RAD51B: variants seen among roughly 807,000 people sequenced by gnomAD.
RAD51B encodes the protein DNA repair protein RAD51 homolog 2.
A neutral mutation model predicts 42.2 loss-of-function variants in RAD51B; 38 were observed. The observed-to-expected ratio is 0.90, with a 90% CI of 0.70 to 1.18. The LOEUF is 1.18. Ranked by LOEUF, RAD51B falls within the 50% of genes most tolerant of loss-of-function variation. The pLI is 0.00. For synonymous variants in RAD51B, 154 were observed against 145.2 expected (o/e 1.06, Z -0.43); for missense variants, 373 against 400.7 (o/e 0.93, Z 0.59).
intron 8 of RAD51B, among the ~76,000 whole-genome samples, chr14:68,395,442 A>G (rs1258279500): frequency 1.3e-5 from 2 of 152,208 alleles, no homozygotes; most frequent in Non-Finnish European, 2.9e-5. Flanking sequence ...GAAAAAAGAA[A>G]ATACAGAATA....
At chr14:68,124,917 C>G (rs2077725584) in intron 7 of RAD51B, 1 of 151,248 alleles carries the variant, frequency 6.6e-6, no homozygotes, top group African/African-American at 2.4e-5. Flanking sequence ...CCATTGCACT[C>G]CAGCCTGGGT....
chr14:68,306,457 T>G lies in RAD51B; in HGVS notation c.853+14477T>G, dbSNP rs140663082. Among the ~76,000 whole-genome samples, 267 of 152,358 alleles carry G rather than the reference T, an allele frequency of 1.8e-3. 1 individual carries two copies. The highest frequency in any genetic ancestry group is 6.2e-3 in the African/African-American group (258 of 41,580). ...AAATCATTTTTTTTCTCCATGAGAA[T>G]GTGCAGGTCAGCTGAGACAAGCATG... On this transcript the variant is annotated intron_variant, in intron 8 of 10. Transcript: ENST00000471583.
chr14:68,546,718 G>T (rs1888254117), intron 10 of RAD51B, among the ~76,000 whole-genome samples: 1 of 152,156 alleles, frequency 6.6e-6, no homozygotes, highest in African/African-American at 2.4e-5. Context: ...CTGGGGGGAG[G>T]AGACAGGTGT....
intron 8 of RAD51B, among the ~76,000 whole-genome samples, chr14:68,348,345 G>T (rs984723654): frequency 6.6e-6 from 1 of 152,170 alleles, no homozygotes; most frequent in Non-Finnish European, 1.5e-5. Context: ...GTCTAAATCA[G>T]ATATTGCAAG....
chr14:68,379,905 C>G (rs202096214), intron 8 of RAD51B, among the ~76,000 whole-genome samples: 2 of 152,252 alleles, frequency 1.3e-5, no homozygotes, highest in East Asian at 3.8e-4. Flanking sequence ...TCACCCTCTT[C>G]CGCTGTTGGC....
intron 7 of RAD51B, among the ~76,000 whole-genome samples, chr14:68,072,569 C>T (rs923955809): frequency 5.3e-5 from 8 of 152,140 alleles, no homozygotes; most frequent in Non-Finnish European, 8.8e-5. Flanking sequence ...CCCTCTGACT[C>T]AGATGTTAAT....
At chr14:68,403,412 C>T (rs1446530903) in intron 8 of RAD51B, among the ~76,000 whole-genome samples, 1 of 151,960 alleles carries the variant, frequency 6.6e-6, no homozygotes, top group Non-Finnish European at 1.5e-5. Context: ...TCAGTTTGAT[C>T]TCCTAGAAAT....
In RAD51B at chr14:68,605,391, T is replaced by G. The variant is rs1038046002; in HGVS notation, c.1037-5615T>G. ...AGATGGAACAATGGTGAGAGTACAC[T>G]CGAACAAAGGAGGGAATCAATTTTT... On this transcript the variant is annotated intron_variant, in intron 10 of 10. Transcript: ENST00000487861. Among the ~76,000 whole-genome samples the G allele has an allele frequency of 5.3e-5, 8 of 152,352 alleles. No individual in the cohort carries two copies. The South Asian group carries it at 6.2e-4, about 12-fold the overall frequency.
intron 10 of RAD51B, among the ~76,000 whole-genome samples, chr14:68,579,538 CT>C (rs1162899847): frequency 1.3e-5 from 2 of 152,164 alleles, no homozygotes; most frequent in African/African-American, 4.8e-5. Context: ...ACAATGAATA[CT>C]TTTTTTAGTA....
intron 10 of RAD51B, among the ~76,000 whole-genome samples, chr14:68,575,919 C>T (rs941677927): frequency 3.3e-5 from 5 of 152,204 alleles, no homozygotes; most frequent in Admixed American, 6.5e-5. Flanking sequence ...AGTGAAGGCA[C>T]AACTTATAGA....
intron 7 of RAD51B, among the ~76,000 whole-genome samples, chr14:68,061,074 T>TTTC (rs1172738558): frequency 7.3e-6 from 1 of 136,220 alleles, no homozygotes; most frequent in Non-Finnish European, 1.7e-5. Flanking sequence ...TTTTTTTTTT[T>TTTC]TTCTTTTCTT....
chr14:68,571,287 G>C (rs1187008855), intron 10 of RAD51B, among the ~76,000 whole-genome samples: 1 of 152,192 alleles, frequency 6.6e-6, no homozygotes, highest in Non-Finnish European at 1.5e-5. Flanking sequence ...TACAAACTTA[G>C]TAGCTTCAAC....
chr14:68,210,678 C>A (rs2079687707), intron 7 of RAD51B, among the ~76,000 whole-genome samples: 3 of 152,122 alleles, frequency 2.0e-5, no homozygotes, highest in Admixed American at 2.0e-4. Context: ...GGACAACAAT[C>A]TCACAGAGTT....
chr14:68,368,423 A>G (rs1189821081), intron 8 of RAD51B, among the ~76,000 whole-genome samples: 1 of 152,128 alleles, frequency 6.6e-6, no homozygotes, highest in Non-Finnish European at 1.5e-5. Flanking sequence ...ATTCTCTTGT[A>G]TTTGTTTTAG....
At chr14:67,827,863 C>T (rs997499439) in intron 3 of RAD51B, among the ~76,000 whole-genome samples, 1 of 152,134 alleles carries the variant, frequency 6.6e-6, no homozygotes, top group Admixed American at 6.5e-5. Flanking sequence ...TGTATACGTA[C>T]CACATTTTCT....
chr14:68,071,501 G>A (rs541402735), intron 7 of RAD51B, among the ~76,000 whole-genome samples: 8 of 152,110 alleles, frequency 5.3e-5, no homozygotes, highest in South Asian at 2.1e-4. Flanking sequence ...CCTTTCTTGC[G>A]GCTATTGAGA....
intron 7 of RAD51B, among the ~76,000 whole-genome samples, chr14:68,074,827 A>C (rs529951179): frequency 6.6e-6 from 1 of 152,330 alleles, no homozygotes; most frequent in East Asian, 1.9e-4. Context: ...TGTTTGGGCT[A>C]TGATCCAGTA....
chr14:68,050,832 A>T (rs1198255785), intron 7 of RAD51B, among the ~76,000 whole-genome samples: 4 of 151,882 alleles, frequency 2.6e-5, no homozygotes, highest in African/African-American at 4.8e-5. Flanking sequence ...GGGGAGGGGG[A>T]GTGTGTTTTG....
At chr14:68,441,541 C>CAA (rs67477807) in intron 9 of RAD51B, among the ~76,000 whole-genome samples, 12,241 of 68,002 alleles carry the variant, frequency 0.18, 1,582 homozygotes, top group Non-Finnish European at 0.25. Context: ...GACTCCATCT[C>CAA]AAAAAAAAAA....
Sources: gnomAD v4.1 joint callset for allele counts (sites outside exome capture counted in the v4.1 genomes callset) on GRCh38, gnomAD v4.1.1 for gene constraint, MANE v1.5 for transcripts, NCBI Gene and HGNC (gene_info 2026-07-23, HGNC 2026-07-21) for gene names.